RIMBP2: variants seen among roughly 807,000 people sequenced by gnomAD.
The protein encoded by RIMBP2 is RIMS-binding protein 2.
Under a neutral mutation model 118.6 loss-of-function variants are expected in RIMBP2, and 48 were observed. The observed-to-expected ratio is 0.40, with a 90% confidence interval of 0.32 to 0.51. RIMBP2 has a LOEUF of 0.51. RIMBP2 is among the 20% of genes least tolerant of loss of function. RIMBP2 has a pLI of 0.41. For synonymous variants in RIMBP2, 762 were observed against 742.9 expected (o/e 1.03, Z -0.42); for missense variants, 1,551 against 1,768.3 (o/e 0.88, Z 2.20).
At chr12:130,626,773 C>T (rs1429175699) in intron 2 of RIMBP2, among the ~76,000 whole-genome samples, 7 of 151,656 alleles carry the variant, frequency 4.6e-5, no homozygotes, top group Non-Finnish European at 8.8e-5. Flanking sequence ...CGACTACCTA[C>T]CACCAAAATC....
intron 5 of RIMBP2, among the ~76,000 whole-genome samples, chr12:130,478,274 C>T (rs889179356): frequency 1.3e-5 from 2 of 152,114 alleles, no homozygotes; most frequent in African/African-American, 2.4e-5. Context: ...TACTGGGATC[C>T]GGCTATAAAT....
chr12:130,610,825 G>A (rs1300069555), intron 2 of RIMBP2, among the ~76,000 whole-genome samples: 1 of 152,052 alleles, frequency 6.6e-6, no homozygotes, highest in East Asian at 1.9e-4. Flanking sequence ...CTCCCAAAGT[G>A]CTGGGATTAC....
chr12:130,555,636 C>T (rs2056276892), intron 2 of RIMBP2, among the ~76,000 whole-genome samples: 1 of 152,178 alleles, frequency 6.6e-6, no homozygotes, highest in East Asian at 1.9e-4. Context: ...AATAAAAGAT[C>T]TATCCGGGGC....
chr12:130,642,475 G>C (rs1445586304), intron 1 of RIMBP2, among the ~76,000 whole-genome samples: 1 of 152,094 alleles, frequency 6.6e-6, no homozygotes, highest in Non-Finnish European at 1.5e-5. Context: ...AGTGGAGACG[G>C]GGTGTCGCCA....
chr12:130,438,183 G>T (rs1044917931), intron 12 of RIMBP2, among the ~76,000 whole-genome samples, 182 bp downstream of exon 12: 1 of 152,188 alleles, frequency 6.6e-6, no homozygotes, highest in Non-Finnish European at 1.5e-5. Context: ...GAGATGGGGG[G>T]AGTGCTGGAA....
Position 130,447,381 on chromosome 12 carries a change from G to A in RIMBP2, c.582-2112C>T, listed in dbSNP as rs995434592. ...CCACCCGACCTCGTGGGTGTTCAGG[G>A]CAGACGCTGCCACGTACTGTGTGGA... On this transcript the variant is annotated intron_variant, in intron 9 of 22. Coordinates refer to ENST00000690449, the MANE Select transcript of RIMBP2 (RefSeq NM_001393629.1). The surrounding 1 kb of genome is among the most constrained non-coding windows in gnomAD (Gnocchi z 4.4). 5.3e-5 allele frequency among the ~76,000 whole-genome samples: 8 copies of A among 152,306 alleles called. No homozygotes were observed. The South Asian group carries it at 1.5e-3, about 28-fold the overall frequency.
At chr12:130,515,438 T>C (rs565256028) in intron 3 of RIMBP2, among the ~76,000 whole-genome samples, 24 of 152,150 alleles carry the variant, frequency 1.6e-4, no homozygotes, top group Non-Finnish European at 3.2e-4. Flanking sequence ...CTGATGACTC[T>C]AGGAACCTCA....
chr12:130,449,142 A>G (rs11060894), intron 9 of RIMBP2, among the ~76,000 whole-genome samples: 38,321 of 152,198 alleles, frequency 0.25, 5,200 homozygotes, highest in African/African-American at 0.35. Flanking sequence ...GGCCAAGCCC[A>G]CGCTCAGAGC....
rs576628791 is a variant in RIMBP2 at position 130,523,836 on chromosome 12, G to A, written c.-216-5919C>T. 6.6e-6 allele frequency among the ~76,000 whole-genome samples: 1 copy of A among 152,322 alleles called. No homozygotes were observed. The highest frequency in any genetic ancestry group is 2.1e-4 in the South Asian group (1 of 4,820). On this transcript the variant is annotated intron_variant, in intron 2 of 22. Transcript: ENST00000690449. This position sits in a 1 kb window ranked among gnomAD's most constrained non-coding sequence, Gnocchi z 4.4. Reference sequence around the variant, plus strand: ...TGTCAGGAACGCCAGTTGCTATGGGGAGAGGTGAGAGGAATTCTCGGTATC... The same window carrying A: ...TGTCAGGAACGCCAGTTGCTATGGGAAGAGGTGAGAGGAATTCTCGGTATC...
chr12:130,634,322 G>A (rs2062205005), intron 1 of RIMBP2, among the ~76,000 whole-genome samples: 1 of 152,210 alleles, frequency 6.6e-6, no homozygotes, highest in Non-Finnish European at 1.5e-5. Flanking sequence ...GGAATCTGAA[G>A]CAAGAAACGC....
Position 130,604,279 on chromosome 12 carries a change from G to A in RIMBP2, c.-217+24043C>T, listed in dbSNP as rs555927813. 7.6e-5 allele frequency among the ~76,000 whole-genome samples: 9 copies of A among 118,248 alleles called. No individual in the cohort carries two copies. In the East Asian group the frequency reaches 2.2e-3, roughly 29 times the overall value. 77.6% of individuals were successfully genotyped at this position (118,248 alleles called of 152,430 possible). ...ACGTGTTATTACAAGAGTCAAAAAGGTTTTTAAAAAGTAAAAAAAAAAAAA... is the reference window on the plus strand; with the variant it reads ...ACGTGTTATTACAAGAGTCAAAAAGATTTTTAAAAAGTAAAAAAAAAAAAA... On this transcript the variant is annotated intron_variant, in intron 2 of 22. Transcript: ENST00000690449.
intron 1 of RIMBP2, among the ~76,000 whole-genome samples, chr12:130,691,684 A>T (rs954644303): frequency 1.2e-4 from 18 of 152,172 alleles, no homozygotes; most frequent in African/African-American, 4.3e-4. Flanking sequence ...ACAAAGAAGA[A>T]GCGGGTACCA....
In RIMBP2 at chr12:130,439,823, G is replaced by GTC. The variant is rs2077949600; in HGVS notation, c.1505-1308_1505-1307insGA. 4.1e-5 allele frequency among the ~76,000 whole-genome samples: 4 copies of GTC among 97,844 alleles called. 1 individual carries two copies. Among genetic ancestry groups the GTC allele is most frequent in the African/African-American group, 1.8e-4 (4 of 21,732 alleles). 64.2% of individuals were successfully genotyped at this position (97,844 alleles called of 152,430 possible). A position where few individuals can be genotyped will look rare whatever the true frequency, so the allele number is the denominator to read the frequency against. The stretch of plus-strand genomic sequence containing the variant: ...TCTATGTGAGTCTGTGGGGGTGTCT[G>GTC]TGTGTGTGTGTATGTGTATCTGTGA... On this transcript the variant is annotated intron_variant, in intron 11 of 22. Coordinates refer to ENST00000690449, the MANE Select transcript of RIMBP2 (RefSeq NM_001393629.1).
At chr12:130,646,443 C>CAT (rs1566423647) in intron 1 of RIMBP2, among the ~76,000 whole-genome samples, 2,255 of 84,538 alleles carry the variant, frequency 0.027, 1,059 homozygotes, top group Middle Eastern at 0.056. Context: ...ACCTCCCTTG[C>CAT]CACCTCCCTC....
intron 6 of RIMBP2, among the ~76,000 whole-genome samples, chr12:130,460,258 C>A (rs922824608): frequency 2.0e-5 from 3 of 152,198 alleles, no homozygotes; most frequent in Non-Finnish European, 2.9e-5. Context: ...CCAGGCCCCA[C>A]TCTGTGCACA....
intron 2 of RIMBP2, among the ~76,000 whole-genome samples, chr12:130,524,808 A>C (rs961824146): frequency 2.0e-5 from 3 of 152,146 alleles, no homozygotes; most frequent in Non-Finnish European, 2.9e-5. Flanking sequence ...CGGGTACAGG[A>C]GTTATTAAAG....
intron 19 of RIMBP2, among the ~76,000 whole-genome samples, chr12:130,410,419 G>A (rs1027287630): frequency 6.6e-6 from 1 of 152,068 alleles, no homozygotes; most frequent in African/African-American, 2.4e-5. Context: ...ATGTTTTAAT[G>A]TCCTGTCAAA....
chr12:130,659,501 G>T (rs977671297), intron 1 of RIMBP2, among the ~76,000 whole-genome samples: 30 of 151,476 alleles, frequency 2.0e-4, no homozygotes, highest in African/African-American at 6.3e-4. Context: ...CCCGGGAGGC[G>T]TATGTTGCAG....
rs904916453 is a variant in RIMBP2 at position 130,525,488 on chromosome 12, C to T, written c.-216-7571G>A. Among the ~76,000 whole-genome samples the T allele has an allele frequency of 6.6e-6, 1 of 152,190 alleles. No homozygotes were observed. The highest frequency in any genetic ancestry group is 1.5e-5 in the Non-Finnish European group (1 of 68,036). ...ATGACTAAGGAAGGTAGAGAATGCC[C>T]TGGAGGCAGTCACAGAGTCAGTAAC... On this transcript the variant is annotated intron_variant, in intron 2 of 22. Transcript: ENST00000690449. The surrounding 1 kb of genome is among the most constrained non-coding windows in gnomAD (Gnocchi z 4.4).
Sources: allele counts gnomAD v4.1 joint callset (sites outside exome capture counted in the v4.1 genomes callset), GRCh38; gene constraint gnomAD v4.1.1; non-coding constraint Gnocchi (gnomAD v3.1); transcripts MANE v1.5; gene names NCBI Gene and HGNC (gene_info 2026-07-23, HGNC 2026-07-21).